The following EYS variants were observed in gnomAD, a reference collection of about 807,000 sequenced individuals.
The protein encoded by EYS is protein eyes shut homolog.
In EYS, 250 loss-of-function variants were observed where a neutral mutation model predicts 282.1. That is an observed-to-expected ratio of 0.89 (90% CI 0.80 to 0.98). The LOEUF is 0.98. EYS is among the 50% of genes least tolerant of loss of function. EYS has a pLI of 0.00. For synonymous variants in EYS, 1,355 were observed against 1,282.9 expected (o/e 1.06, Z -1.20); for missense variants, 4,016 against 3,709.0 (o/e 1.08, Z -2.15).
At chr6:64,601,422 A>T (rs888711905) in intron 24 of EYS, among the ~76,000 whole-genome samples, 2 of 112,912 alleles carry the variant, frequency 1.8e-5, no homozygotes, top group African/African-American at 6.7e-5. Context: ...GTCCCATCAC[A>T]GGAAATTTAT....
At chr6:63,786,817 T>A (rs969486148) in intron 39 of EYS, among the ~76,000 whole-genome samples, 40 of 152,150 alleles carry the variant, frequency 2.6e-4, no homozygotes, top group African/African-American at 9.7e-4. Flanking sequence ...TGGGTAGGGT[T>A]CAGAAATCTG....
intron 22 of EYS, among the ~76,000 whole-genome samples, chr6:64,788,228 G>A (rs1337827761): frequency 6.6e-6 from 1 of 152,126 alleles, no homozygotes; most frequent in African/African-American, 2.4e-5. Flanking sequence ...TGACCAAGGA[G>A]GGATCCGGCT....
At chr6:64,294,740 A>G (rs1405123063) in intron 30 of EYS, among the ~76,000 whole-genome samples, 1 of 152,228 alleles carries the variant, frequency 6.6e-6, no homozygotes, top group African/African-American at 2.4e-5. Flanking sequence ...TTAGTATGAT[A>G]CAAATAGTGG....
At chr6:65,170,860 A>G (rs994756833) in intron 12 of EYS, among the ~76,000 whole-genome samples, 1 of 151,514 alleles carries the variant, frequency 6.6e-6, no homozygotes, top group Non-Finnish European at 1.5e-5. Flanking sequence ...GAAATCTTTG[A>G]ATATCCAATA....
At chr6:64,043,247 C>T (rs1259106440) in intron 33 of EYS, among the ~76,000 whole-genome samples, 1 of 152,156 alleles carries the variant, frequency 6.6e-6, no homozygotes, top group East Asian at 1.9e-4. Flanking sequence ...TAGGTGGGCA[C>T]TGCTGGCAGG....
intron 19 of EYS, among the ~76,000 whole-genome samples, chr6:64,857,471 G>T (rs578098839): frequency 1.3e-5 from 2 of 152,246 alleles, no homozygotes; most frequent in East Asian, 1.9e-4. Context: ...CATTGTGTAT[G>T]TACAGCACAT....
intron 12 of EYS, among the ~76,000 whole-genome samples, chr6:65,097,870 T>C (rs1338146705): frequency 1.3e-5 from 2 of 150,848 alleles, no homozygotes; most frequent in Non-Finnish European, 3.0e-5. Context: ...GAGTTGTTCA[T>C]TGGGTAAAAA....
chr6:64,731,836 A>C (rs1228487177), intron 22 of EYS, among the ~76,000 whole-genome samples: 3 of 152,232 alleles, frequency 2.0e-5, no homozygotes, highest in Non-Finnish European at 4.4e-5. Flanking sequence ...ATTATAAATC[A>C]TTATACTAAA....
intron 41 of EYS, among the ~76,000 whole-genome samples, chr6:63,749,053 T>C (rs1398060103): frequency 6.6e-6 from 1 of 152,232 alleles, no homozygotes; most frequent in Non-Finnish European, 1.5e-5. Context: ...CTTGGTTCTC[T>C]AGTTCTTTTA....
At chr6:64,759,811 C>A (rs1382708294) in intron 22 of EYS, among the ~76,000 whole-genome samples, 1 of 152,086 alleles carries the variant, frequency 6.6e-6, no homozygotes, top group East Asian at 1.9e-4. Context: ...TAAAAACTAA[C>A]AGTTCACTTT....
chr6:64,728,472 C>A (rs997253573), intron 22 of EYS, among the ~76,000 whole-genome samples: 1 of 152,024 alleles, frequency 6.6e-6, no homozygotes, highest in Non-Finnish European at 1.5e-5. Flanking sequence ...GTAGCTGGGG[C>A]TACAGGCGCC....
At chr6:65,010,298 G>C (rs972108969) in intron 13 of EYS, among the ~76,000 whole-genome samples, 1 of 152,096 alleles carries the variant, frequency 6.6e-6, no homozygotes, top group African/African-American at 2.4e-5. Context: ...AATAATACAG[G>C]GATCTTACTG....
At chr6:65,466,589 TG>T (rs1415714746) in intron 5 of EYS, among the ~76,000 whole-genome samples, 3 of 144,848 alleles carry the variant, frequency 2.1e-5, no homozygotes, top group Non-Finnish European at 4.5e-5. Flanking sequence ...CAAACCAAAA[TG>T]AAAAAAAAAA....
At chr6:65,029,294 T>C (rs556542131) in intron 13 of EYS, among the ~76,000 whole-genome samples, 1 of 152,064 alleles carries the variant, frequency 6.6e-6, no homozygotes, top group African/African-American at 2.4e-5. Flanking sequence ...TTAGGAAATA[T>C]GTGCATGTGT....
chr6:65,119,698 G>T (rs1581926507), intron 12 of EYS, among the ~76,000 whole-genome samples: 2 of 132,462 alleles, frequency 1.5e-5, no homozygotes, highest in African/African-American at 3.0e-5. Context: ...ATCATTCTTT[G>T]ATATTAAAAA....
At chr6:65,536,072 G>A (rs1256867300) in intron 2 of EYS, among the ~76,000 whole-genome samples, 1 of 152,068 alleles carries the variant, frequency 6.6e-6, no homozygotes, top group African/African-American at 2.4e-5. Flanking sequence ...ATTTACTTCA[G>A]ATACATTTAA....
chr6:64,659,834 C>T (rs1403210473), intron 22 of EYS, among the ~76,000 whole-genome samples: 10 of 152,086 alleles, frequency 6.6e-5, no homozygotes, highest in South Asian at 2.1e-4. Context: ...CCATTCCTTC[C>T]GAAATTATTC....
intron 36 of EYS, among the ~76,000 whole-genome samples, chr6:63,814,055 A>G (rs1353498944): frequency 1.3e-5 from 2 of 152,206 alleles, no homozygotes; most frequent in Non-Finnish European, 2.9e-5. Flanking sequence ...ACACAGCACC[A>G]GATTTAGCTC....
intron 26 of EYS, among the ~76,000 whole-genome samples, chr6:64,508,235 T>C (rs1402038358): frequency 6.6e-6 from 1 of 152,110 alleles, no homozygotes; most frequent in African/African-American, 2.4e-5. Context: ...TTCCAACAAA[T>C]AAGAAAATTG....
Sources: gnomAD v4.1 joint callset for allele counts (sites outside exome capture counted in the v4.1 genomes callset) on GRCh38, gnomAD v4.1.1 for gene constraint, MANE v1.5 for transcripts, NCBI Gene and HGNC (gene_info 2026-07-23, HGNC 2026-07-21) for gene names.